The following PTCHD4 variants were observed in gnomAD, a reference collection of about 807,000 sequenced individuals.
PTCHD4 encodes patched domain-containing protein 4.
PTCHD4 carries 33 observed loss-of-function variants against 58.1 expected under a neutral mutation model. The observed-to-expected ratio is 0.57, with a 90% CI of 0.43 to 0.76. The LOEUF is 0.76. PTCHD4 is among the 30% of genes least tolerant of loss of function. PTCHD4 has a pLI of 0.00. For missense variants in PTCHD4, 1,058 were observed against 1,027.1 expected (o/e 1.03, Z -0.41); for synonymous variants, 478 against 409.6 (o/e 1.17, Z -2.02).
intron 3 of PTCHD4, among the ~76,000 whole-genome samples, chr6:48,021,468 A>C (rs1435928291): frequency 6.6e-6 from 1 of 152,090 alleles, no homozygotes; most frequent in East Asian, 1.9e-4. Context: ...GGTTCTTTTT[A>C]ATCTTTGCCT....
intron 4 of PTCHD4, among the ~76,000 whole-genome samples, chr6:47,953,113 A>G (rs1384892055): frequency 6.6e-6 from 1 of 152,014 alleles, no homozygotes; most frequent in Non-Finnish European, 1.5e-5. Flanking sequence ...TAAATGACAG[A>G]ATGTACCCTC....
At chr6:48,106,067 T>C (rs1315121077) in intron 1 of PTCHD4, among the ~76,000 whole-genome samples, 5 of 152,150 alleles carry the variant, frequency 3.3e-5, no homozygotes, top group Non-Finnish European at 5.9e-5. Flanking sequence ...TTCCAATGAA[T>C]AGAAAATGAG....
intron 4 of PTCHD4, among the ~76,000 whole-genome samples, chr6:47,904,760 C>G (rs1468381150): frequency 1.3e-5 from 2 of 152,094 alleles, no homozygotes; most frequent in African/African-American, 4.8e-5. Context: ...TCTTTGAAAA[C>G]ATTTAGCAAT....
chr6:48,106,300 C>T (rs1409650347), intron 1 of PTCHD4, among the ~76,000 whole-genome samples: 5 of 152,058 alleles, frequency 3.3e-5, no homozygotes, highest in Non-Finnish European at 4.4e-5. Flanking sequence ...GTTCAACATA[C>T]GAAAATCAAT....
At chr6:47,960,485 G>A (rs914386768) in intron 4 of PTCHD4, among the ~76,000 whole-genome samples, 1 of 151,870 alleles carries the variant, frequency 6.6e-6, no homozygotes, top group Non-Finnish European at 1.5e-5. Flanking sequence ...ATAAACATAC[G>A]AGTATGTTTA....
intron 4 of PTCHD4, among the ~76,000 whole-genome samples, chr6:47,979,344 A>G (rs933997614): frequency 2.0e-5 from 3 of 152,128 alleles, no homozygotes; most frequent in Admixed American, 6.5e-5. Context: ...ACATAAATGA[A>G]AAAAGAACTA....
intron 4 of PTCHD4, among the ~76,000 whole-genome samples, chr6:47,904,385 T>G (rs1315201154): frequency 6.6e-6 from 1 of 152,214 alleles, no homozygotes; most frequent in African/African-American, 2.4e-5. Context: ...ATAAATTTTG[T>G]TGGAACACAG....
At chr6:47,978,687 T>G (rs1360394203) in intron 4 of PTCHD4, among the ~76,000 whole-genome samples, 2 of 152,172 alleles carry the variant, frequency 1.3e-5, no homozygotes, top group East Asian at 1.9e-4. Flanking sequence ...AGACAGATCT[T>G]ACTATCCCAG....
Position 47,878,844 on chromosome 6 carries a change from C to T in PTCHD4, c.1991G>A (p.Gly664Asp), listed in dbSNP as rs1324901059. The T allele has an allele frequency of 3.1e-6, 5 of 1,613,700 alleles. No homozygotes were observed. Among genetic ancestry groups the T allele is most frequent in the Non-Finnish European group, 4.2e-6 (5 of 1,179,786 alleles). The stretch of plus-strand genomic sequence containing the variant: ...AGTCAGGATTAACACCAGGAGAACA[C>T]CAAAGCCTGCAATCAGAACAGGCAC... ...VTVPVLIAGF[G>D]VLLVLILTFF... The change falls in exon 5 of 5, where the codon GGT (glycine) becomes GAT (aspartate). Residue 664 changes from glycine (G) to aspartate (D), a missense_variant. Transcript: ENST00000339488.
intron 1 of PTCHD4, among the ~76,000 whole-genome samples, chr6:48,100,668 G>A (rs564463765): frequency 3.3e-5 from 5 of 152,342 alleles, no homozygotes; most frequent in Admixed American, 6.5e-5. Flanking sequence ...TAAGCTTGGC[G>A]ACAGGAAGGT....
In PTCHD4 at chr6:47,861,892, G is replaced by T. The variant is rs1461066107; in HGVS notation, c.*16411C>A. On this transcript the variant is annotated 3_prime_UTR_variant, in exon 5 of 5. Transcript: ENST00000339488. ...TTGTTGGATGGATTAATGAATGAAT[G>T]ATATGGCTAGTTCATCAGGTCATTT... Among the ~76,000 whole-genome samples, 7 of 151,846 alleles carry T rather than the reference G, an allele frequency of 4.6e-5. No individual in the cohort carries two copies. The highest frequency in any genetic ancestry group is 1.5e-5 in the Non-Finnish European group (1 of 67,858).
intron 4 of PTCHD4, among the ~76,000 whole-genome samples, chr6:47,927,037 C>T (rs1352209797): frequency 6.6e-6 from 1 of 152,202 alleles, no homozygotes; most frequent in Non-Finnish European, 1.5e-5. Context: ...AGCCCTTTGC[C>T]TCCAGGGAAG....
At chr6:47,905,043 TCACACACACACACACACACACA>T (rs70999653) in intron 4 of PTCHD4, among the ~76,000 whole-genome samples, 1 of 131,568 alleles carries the variant, frequency 7.6e-6, no homozygotes. Context: ...AATACAGCCA[TCACACACACACACACACACACA>T]CACACACACA....
At chr6:48,019,655 T>G (rs1182648125) in intron 3 of PTCHD4, among the ~76,000 whole-genome samples, 5 of 150,960 alleles carry the variant, frequency 3.3e-5, no homozygotes, top group Non-Finnish European at 7.4e-5. Context: ...AGAATGGCGT[T>G]AACCCGGCAG....
rs372618010 is a variant in PTCHD4, at chr6:48,051,577, T to C, written c.417+16653A>G. On this transcript the variant is annotated intron_variant, in intron 3 of 4. Coordinates refer to ENST00000339488, the MANE Select transcript of PTCHD4 (RefSeq NM_001384253.1). ...GGATGATTAATAACCCTCATGTTTTTTCATCTTAATATTTCTTGGTCCATA... is the reference window on the plus strand; with the variant it reads ...GGATGATTAATAACCCTCATGTTTTCTCATCTTAATATTTCTTGGTCCATA... 1.5e-3 allele frequency among the ~76,000 whole-genome samples: 227 copies of C among 152,080 alleles called. 4 individuals are homozygous for C. In the South Asian group the frequency reaches 0.045, roughly 30 times the overall value.
intron 1 of PTCHD4, among the ~76,000 whole-genome samples, chr6:48,100,121 C>G (rs576978675): frequency 6.6e-6 from 1 of 152,198 alleles, no homozygotes; most frequent in East Asian, 1.9e-4. Context: ...CAGGTGATAT[C>G]AACATGGTAG....
chr6:47,959,868 G>GAA (rs369236237), intron 4 of PTCHD4, among the ~76,000 whole-genome samples: 1 of 129,740 alleles, frequency 7.7e-6, no homozygotes, highest in Non-Finnish European at 1.7e-5. Flanking sequence ...CTTCCAAATA[G>GAA]AAAAAAAAAA....
At chr6:47,904,218 A>C (rs147744629) in intron 4 of PTCHD4, among the ~76,000 whole-genome samples, 3 of 152,354 alleles carry the variant, frequency 2.0e-5, no homozygotes, top group African/African-American at 7.2e-5. Context: ...CATCATGAGA[A>C]TAGAAGACAG....
Position 48,082,572 on chromosome 6 carries a change from T to C in PTCHD4, c.-969-12646A>G, listed in dbSNP as rs374161623. Among the ~76,000 whole-genome samples the C allele has an allele frequency of 1.1e-4, 17 of 152,310 alleles. 1 individual carries two copies. In the East Asian group the frequency reaches 2.9e-3, roughly 26 times the overall value. On this transcript the variant is annotated intron_variant, in intron 1 of 4. Transcript: ENST00000339488. ...TAAAAATAAGACTCTTCTATCCACA[T>C]CTTCCTACTTTCAGTTATACTCCCA...
Sources: gnomAD v4.1 joint callset for allele counts (sites outside exome capture counted in the v4.1 genomes callset) on GRCh38, gnomAD v4.1.1 for gene constraint, MANE v1.5 for transcripts, NCBI Gene and HGNC (gene_info 2026-07-23, HGNC 2026-07-21) for gene names.